Variants in ATP8B4 observed in about 807,000 individuals in gnomAD.
The protein encoded by ATP8B4 is ATPase phospholipid transporting 8B4 (putative).
A neutral mutation model predicts 145.6 loss-of-function variants in ATP8B4; 133 were observed. The observed-to-expected ratio is 0.91, with a 90% CI of 0.79 to 1.05. ATP8B4 has a LOEUF of 1.05. ATP8B4 is among the 50% of genes least tolerant of loss of function. The pLI, the probability that ATP8B4 is intolerant of heterozygous loss-of-function variation, is 0.00. For missense variants in ATP8B4, 1,458 were observed against 1,425.2 expected, an observed-to-expected ratio of 1.02 and a Z score of -0.37; for synonymous variants, 507 against 492.9, an observed-to-expected ratio of 1.03 and a Z score of -0.38.
At chr15:50,120,757 G>A (rs768234058), upstream of ATP8B4, among the ~76,000 whole-genome samples, 10 of 152,100 alleles carry the variant, frequency 6.6e-5, no homozygotes, top group Non-Finnish European at 1.2e-4. Flanking sequence ...GCCTAAATAA[G>A]TTAAGGTATA....
rs2414021 is a variant in ATP8B4, at chr15:50,119,159, A to T, written c.-79T>A. 40,881 of 152,100 alleles carry T rather than the reference A, an allele frequency of 0.27. 6,104 individuals are homozygous for T. Among genetic ancestry groups the T allele is most frequent in the East Asian group, 0.53 (2,698 of 5,128 alleles). The allele number at this position is 152,100 out of a possible 1,614,324, so 9.4% of individuals were successfully genotyped here. A position where few individuals can be genotyped will look rare whatever the true frequency, so the allele number is the denominator to read the frequency against. On this transcript the variant is annotated 5_prime_UTR_variant, in exon 1 of 28. Transcript: ENST00000284509. ...CTTAATCCTCTCCCCCAAAAGGAAG[A>T]TTTCTCAGCAGTGCAGGAAGATCAA...
At chr15:50,020,969 T>A (rs937071497) in intron 6 of ATP8B4, among the ~76,000 whole-genome samples, 1 of 152,164 alleles carries the variant, frequency 6.6e-6, no homozygotes, top group East Asian at 1.9e-4. Flanking sequence ...GAAAATAAAA[T>A]AATAAAAATT....
chr15:50,089,484 A>G (rs2055449292), intron 2 of ATP8B4, among the ~76,000 whole-genome samples: 1 of 152,072 alleles, frequency 6.6e-6, no homozygotes, highest in African/African-American at 2.4e-5. Context: ...GAACTTCTCA[A>G]AAGAAGACAT....
At chr15:49,898,337 A>T in intron 21 of ATP8B4, 86 bp from the exon 22 acceptor site, 1 of 1,355,290 alleles carries the variant, frequency 7.4e-7, no homozygotes, top group Non-Finnish European at 1.0e-6. Flanking sequence ...GTTTGCTAAA[A>T]CCATTTCATT....
chr15:50,002,947 C>G (rs2048014521), intron 7 of ATP8B4, among the ~76,000 whole-genome samples: 1 of 152,120 alleles, frequency 6.6e-6, no homozygotes, highest in Non-Finnish European at 1.5e-5. Context: ...CCTGGTAGCT[C>G]TCTAAATTGG....
At chr15:50,161,056 G>T (rs934047923) in intron 1 of ATP8B4, among the ~76,000 whole-genome samples, 2 of 151,956 alleles carry the variant, frequency 1.3e-5, no homozygotes, top group African/African-American at 4.8e-5. Flanking sequence ...GTACTCCAGT[G>T]GTGGGTGCAT....
intron 23 of ATP8B4, among the ~76,000 whole-genome samples, chr15:49,882,456 T>C (rs933050406): frequency 2.0e-5 from 3 of 152,200 alleles, no homozygotes; most frequent in African/African-American, 7.2e-5. Context: ...GCAGCATTGG[T>C]CATAATAGTC....
At chr15:50,028,105 C>T (rs2050149334) in intron 6 of ATP8B4, among the ~76,000 whole-genome samples, 1 of 152,184 alleles carries the variant, frequency 6.6e-6, no homozygotes, top group Non-Finnish European at 1.5e-5. Context: ...CCTCATCTCA[C>T]AGCTCTTCCA....
intron 3 of ATP8B4, among the ~76,000 whole-genome samples, chr15:50,056,712 T>C (rs1478836332): frequency 7.1e-6 from 1 of 141,310 alleles, no homozygotes; most frequent in Non-Finnish European, 1.5e-5. Context: ...TATATATATA[T>C]ATATACACAC....
At chr15:50,129,629 C>A (rs1443215161) in intron 1 of ATP8B4, among the ~76,000 whole-genome samples, 2 of 152,108 alleles carry the variant, frequency 1.3e-5, no homozygotes, top group East Asian at 3.8e-4. Context: ...GGCCACATTC[C>A]AACATTCCAG....
intron 1 of ATP8B4, among the ~76,000 whole-genome samples, chr15:50,172,512 G>A (rs1010434248): frequency 3.9e-5 from 6 of 152,180 alleles, no homozygotes; most frequent in South Asian, 2.1e-4. Context: ...CCTCCCAGCC[G>A]CCTGCCTTGG....
rs185716100 is a variant in ATP8B4, at chr15:49,881,812, C to T, written c.2698-2353G>A. On this transcript the variant is annotated intron_variant, in intron 23 of 27. Transcript: ENST00000284509. ...ATACCAAACCTCCTGCTGAAGATAA[C>T]GAAAAAAGTTGAGAAAAAAACAAAT... 1.3e-4 allele frequency among the ~76,000 whole-genome samples: 20 copies of T among 152,098 alleles called. No homozygotes were observed. In the South Asian group the frequency reaches 2.5e-3, roughly 19 times the overall value.
intron 14 of ATP8B4, among the ~76,000 whole-genome samples, chr15:49,950,598 A>AAAAC (rs1457989553): frequency 0.027 from 2,336 of 87,366 alleles, 93 homozygotes; most frequent in African/African-American, 0.081. Flanking sequence ...ACTAAAAAAA[A>AAAAC]AAAACAAACA....
chr15:50,149,547 G>A (rs2044321075), intron 1 of ATP8B4, among the ~76,000 whole-genome samples: 1 of 152,102 alleles, frequency 6.6e-6, no homozygotes, highest in Non-Finnish European at 1.5e-5. Flanking sequence ...GAGCTCTTTA[G>A]AGAAATAACC....
rs185085516 is a variant in ATP8B4, at chr15:49,862,211, C to T, written c.3297+34G>A. The T allele has an allele frequency of 5.7e-6, 9 of 1,592,552 alleles. No homozygotes were observed. The African/African-American group carries it at 9.4e-5, about 17-fold the overall frequency. On this transcript the variant is annotated intron_variant, in intron 27 of 27. Transcript: ENST00000284509. Reference sequence around the variant, plus strand: ...GGACACCATTTCAAGAGCCAAAAACCAGCCTTCAAGTATTCATCAGCACTG... The same window carrying T: ...GGACACCATTTCAAGAGCCAAAAACTAGCCTTCAAGTATTCATCAGCACTG...
chr15:50,118,803 A>T (rs1278235307), intron 1 of ATP8B4, among the ~76,000 whole-genome samples: 1 of 151,896 alleles, frequency 6.6e-6, no homozygotes, highest in Non-Finnish European at 1.5e-5. Flanking sequence ...AAAGGAAGTG[A>T]CAAAGACCTA....
At chr15:50,153,300 T>A (rs1319597358) in intron 1 of ATP8B4, among the ~76,000 whole-genome samples, 1 of 151,234 alleles carries the variant, frequency 6.6e-6, no homozygotes, top group Non-Finnish European at 1.5e-5. Flanking sequence ...ACAAAAAAGT[T>A]GAAGGAAAGA....
chr15:49,872,016 G>A (rs2033739121), intron 25 of ATP8B4, among the ~76,000 whole-genome samples: 1 of 152,172 alleles, frequency 6.6e-6, no homozygotes, highest in Non-Finnish European at 1.5e-5. Flanking sequence ...ACAGAGGGGT[G>A]ACAAGCAGCA....
intron 1 of ATP8B4, among the ~76,000 whole-genome samples, chr15:50,174,688 T>C (rs1410742374): frequency 6.6e-6 from 1 of 151,708 alleles, no homozygotes; most frequent in Non-Finnish European, 1.5e-5. Context: ...CATGGATAGG[T>C]AGAATCAATA....
Sources: allele counts gnomAD v4.1 joint callset (sites outside exome capture counted in the v4.1 genomes callset), GRCh38; gene constraint gnomAD v4.1.1; transcripts MANE v1.5; gene names NCBI Gene and HGNC (gene_info 2026-07-23, HGNC 2026-07-21).